The following SLC30A10 variants were observed in gnomAD, a reference collection of about 807,000 sequenced individuals.
The protein encoded by SLC30A10 is solute carrier family 30 member 10.
Under a neutral mutation model 21.7 loss-of-function variants are expected in SLC30A10, and 8 were observed. The observed-to-expected ratio is 0.37, with a 90% CI of 0.22 to 0.67. SLC30A10 has a LOEUF of 0.67. Among genes scored for constraint, SLC30A10 ranks in the 30% least tolerant of loss-of-function variants. The pLI, the probability that SLC30A10 is intolerant of heterozygous loss-of-function variation, is 0.58. For missense variants in SLC30A10, 521 were observed against 642.5 expected, an observed-to-expected ratio of 0.81 and a Z score of 2.04; for synonymous variants, 272 against 279.4, an observed-to-expected ratio of 0.97 and a Z score of 0.26.
chr1:219,923,922 G>C (rs370835595), intron 2 of SLC30A10, among the ~76,000 whole-genome samples: 5 of 152,150 alleles, frequency 3.3e-5, no homozygotes, highest in Admixed American at 3.3e-4. Flanking sequence ...AATTAGCCGG[G>C]TGCAGTGGCG....
chr1:219,951,088 G>A (rs905852050), intron 1 of SLC30A10, among the ~76,000 whole-genome samples: 1 of 152,122 alleles, frequency 6.6e-6, no homozygotes, highest in African/African-American at 2.4e-5. Flanking sequence ...AGCTTCCCAA[G>A]TAGCTGGAAC....
intron 1 of SLC30A10, among the ~76,000 whole-genome samples, chr1:219,940,811 G>T (rs1006720031): frequency 1.3e-5 from 2 of 152,146 alleles, no homozygotes; most frequent in Admixed American, 6.5e-5. Flanking sequence ...TCCAGGCCTG[G>T]GTCGATTTTT....
chr1:219,927,814 G>T lies in SLC30A10; in HGVS notation c.627C>A (p.Phe209Leu). 1.3e-6 allele frequency: 2 copies of T among 1,544,158 alleles called. No homozygotes were observed. Among genetic ancestry groups the T allele is most frequent in the Non-Finnish European group, 1.7e-6 (2 of 1,145,844 alleles). The change falls in exon 1 of 4, where the codon TTC (phenylalanine) becomes TTA (leucine). Residue 209 changes from phenylalanine to leucine, a missense_variant. Transcript: ENST00000366926. ...ACCGAAAGGCACCTGCTACGTTTGC[G>T]AACACGGTCGCCCCCTTCTCCCGCT... Reference protein sequence around the residue: ...ERKREKGATVFANVAGDSFNT... With the variant: ...ERKREKGATVLANVAGDSFNT...
At chr1:219,931,697 T>C (rs542334301), upstream of SLC30A10, among the ~76,000 whole-genome samples, 2 of 152,282 alleles carry the variant, frequency 1.3e-5, no homozygotes, top group South Asian at 2.1e-4. Flanking sequence ...GCCAAGCTGG[T>C]CTCGAACTCC....
At chr1:219,940,120 C>A (rs903696838) in intron 1 of SLC30A10, among the ~76,000 whole-genome samples, 2 of 152,262 alleles carry the variant, frequency 1.3e-5, no homozygotes, top group African/African-American at 4.8e-5. Context: ...TCCACAGACT[C>A]GAAGGTTGAA....
At chr1:219,945,187 G>A (rs1571811784) in intron 1 of SLC30A10, among the ~76,000 whole-genome samples, 1 of 152,178 alleles carries the variant, frequency 6.6e-6, no homozygotes. Context: ...AAGGTAGGAA[G>A]GGTGGCTATG....
intron 1 of SLC30A10, among the ~76,000 whole-genome samples, chr1:219,951,634 T>A (rs1007111671): frequency 6.6e-6 from 1 of 151,118 alleles, no homozygotes; most frequent in Non-Finnish European, 1.5e-5. Flanking sequence ...GGCAGGAGAA[T>A]GGCGTGAACC....
At chr1:219,926,716 G>A (rs1023895722) in intron 2 of SLC30A10, among the ~76,000 whole-genome samples, 1 of 152,138 alleles carries the variant, frequency 6.6e-6, no homozygotes, top group East Asian at 1.9e-4. Context: ...ATTAAAATGG[G>A]TTGCATGATT....
chr1:219,936,826 T>A (rs1476378758), intron 1 of SLC30A10, among the ~76,000 whole-genome samples: 1 of 152,192 alleles, frequency 6.6e-6, no homozygotes, highest in Non-Finnish European at 1.5e-5. Context: ...ACCCTCCTGG[T>A]TTTCCTTATA....
At chr1:219,938,278 T>G (rs1465104050) in intron 1 of SLC30A10, among the ~76,000 whole-genome samples, 1 of 152,158 alleles carries the variant, frequency 6.6e-6, no homozygotes, top group African/African-American at 2.4e-5. Context: ...AGTGCAGTTT[T>G]TGATTTGTGT....
At position 219,913,744 on chromosome 1, in the gene SLC30A10, C is replaced by T. The variant is rs1270389537; in HGVS notation, c.*1705G>A. The T allele has an allele frequency of 6.6e-6, 1 of 152,182 alleles. No homozygotes were observed. Among genetic ancestry groups the T allele is most frequent in the Non-Finnish European group, 1.5e-5 (1 of 68,048 alleles). 9.4% of individuals were successfully genotyped at this position (152,182 alleles called of 1,614,324 possible). On this transcript the variant is annotated 3_prime_UTR_variant, in exon 4 of 4. Coordinates refer to ENST00000366926, the MANE Select transcript of SLC30A10 (RefSeq NM_018713.3). ...TTTTAGGCATTTTTCTATTTACCTA[C>T]TTCACAGCCAATTTAAACTCAGATA... is the stretch of plus-strand genomic sequence containing the variant.
chr1:219,948,548 T>C (rs1349348576), intron 1 of SLC30A10, among the ~76,000 whole-genome samples: 1 of 152,120 alleles, frequency 6.6e-6, no homozygotes, highest in East Asian at 1.9e-4. Context: ...CTGGGAAAAC[T>C]GGCTAGCCAT....
At chr1:219,954,661 A>G (rs1660320420) in intron 1 of SLC30A10, among the ~76,000 whole-genome samples, 1 of 142,890 alleles carries the variant, frequency 7.0e-6, no homozygotes, top group Non-Finnish European at 1.5e-5. Context: ...AGCCTGGGCA[A>G]CAGAGTGAGA....
chr1:219,928,647 G>T, upstream of SLC30A10: 1 of 507,618 alleles, frequency 2.0e-6, no homozygotes, highest in Non-Finnish European at 3.4e-6. This position sits in a 1 kb window ranked among gnomAD's most constrained non-coding sequence, Gnocchi z 6.3. Flanking sequence ...AGTGGCGGGG[G>T]CAGTATCTGA....
intron 2 of SLC30A10, among the ~76,000 whole-genome samples, chr1:219,925,298 C>G (rs1447241826): frequency 6.6e-6 from 1 of 152,068 alleles, no homozygotes. Flanking sequence ...CTTTGGGCAG[C>G]CGAGGCGGGC....
chr1:219,937,782 A>G (rs572412836), intron 1 of SLC30A10, among the ~76,000 whole-genome samples: 2 of 152,348 alleles, frequency 1.3e-5, no homozygotes, highest in East Asian at 3.9e-4. Context: ...ACTGAACTCC[A>G]GCCTGGGTGA....
At chr1:219,931,350 T>C (rs1659968006), upstream of SLC30A10, among the ~76,000 whole-genome samples, 3 of 152,182 alleles carry the variant, frequency 2.0e-5, no homozygotes, top group Non-Finnish European at 4.4e-5. Context: ...GGGGGACCCA[T>C]TCCTGACTTT....
rs1659385822 is a variant in SLC30A10, at chr1:219,910,519, G to T, written c.*4930C>A. On this transcript the variant is annotated 3_prime_UTR_variant, in exon 4 of 4. Transcript: ENST00000366926. The stretch of plus-strand genomic sequence containing the variant: ...GTATGCTCATGTACATACATTACTG[G>T]GGGATTCACATGCAATTATTAATGA... 6.6e-6 allele frequency among the ~76,000 whole-genome samples: 1 copy of T among 152,112 alleles called. No individual in the cohort carries two copies. The highest frequency in any genetic ancestry group is 2.4e-5 in the African/African-American group (1 of 41,416).
At chr1:219,930,095 TTCCTG>T, upstream of SLC30A10, among the ~76,000 whole-genome samples, 1 of 152,046 alleles carries the variant, frequency 6.6e-6, no homozygotes, top group Non-Finnish European at 1.5e-5. Context: ...ACTTTAACCA[TTCCTG>T]AAGAATACAC....
Sources: allele counts gnomAD v4.1 joint callset (sites outside exome capture counted in the v4.1 genomes callset), GRCh38; gene constraint gnomAD v4.1.1; non-coding constraint Gnocchi (gnomAD v3.1); transcripts MANE v1.5; gene names NCBI Gene and HGNC (gene_info 2026-07-23, HGNC 2026-07-21).